Variants in SIPA1L3 observed in about 807,000 individuals in gnomAD.
SIPA1L3 encodes signal-induced proliferation-associated 1-like protein 3.
Under a neutral mutation model 150.1 loss-of-function variants are expected in SIPA1L3, and 59 were observed. That is an observed-to-expected ratio of 0.39 (90% CI 0.32 to 0.49). SIPA1L3 has a LOEUF of 0.49. SIPA1L3 is among the 20% of genes least tolerant of loss of function. The pLI, the probability that SIPA1L3 is intolerant of heterozygous loss-of-function variation, is 0.86. For synonymous variants in SIPA1L3, 1,070 were observed against 1,077.6 expected (o/e 0.99, Z 0.14); for missense variants, 2,211 against 2,489.5 (o/e 0.89, Z 2.38).
At chr19:37,976,439 G>C (rs1379378691) in intron 1 of SIPA1L3, among the ~76,000 whole-genome samples, 2 of 152,180 alleles carry the variant, frequency 1.3e-5, no homozygotes, top group African/African-American at 4.8e-5. Context: ...CAGAAAGTGT[G>C]AAACCCAGTA....
At chr19:38,134,017 C>G (rs1971374337) in intron 10 of SIPA1L3, among the ~76,000 whole-genome samples, 1 of 151,652 alleles carries the variant, frequency 6.6e-6, no homozygotes. Flanking sequence ...GAGTTTCACT[C>G]TTGTTGCCCA....
At chr19:37,955,411 A>G (rs926635712) in intron 1 of SIPA1L3, among the ~76,000 whole-genome samples, 1 of 150,810 alleles carries the variant, frequency 6.6e-6, no homozygotes, top group Non-Finnish European at 1.5e-5. Context: ...AAAAAAGAGT[A>G]TGCAATTCAG....
intron 9 of SIPA1L3, among the ~76,000 whole-genome samples, chr19:38,128,380 G>A (rs572597771): frequency 9.9e-5 from 15 of 152,178 alleles, no homozygotes; most frequent in African/African-American, 2.2e-4. Context: ...AATTCTCGCC[G>A]TCCAAATCAG....
In SIPA1L3 at chr19:38,104,825, C is replaced by T. The variant is rs190018145; in HGVS notation, c.2030-1712C>T. The stretch of plus-strand genomic sequence containing the variant: ...ACCTCAGGTGATCCACCCACCTCGG[C>T]CTCCCAAAGTGCTAGGATTACAGGT... On this transcript the variant is annotated intron_variant, in intron 6 of 21. Coordinates refer to ENST00000222345, the MANE Select transcript of SIPA1L3 (RefSeq NM_015073.3). Among the ~76,000 whole-genome samples the T allele has an allele frequency of 9.5e-3, 1,436 of 151,956 alleles. 12 individuals carry two copies. The highest frequency in any genetic ancestry group is 0.016 in the South Asian group (76 of 4,792).
At chr19:38,021,062 A>G (rs1435785714) in intron 1 of SIPA1L3, among the ~76,000 whole-genome samples, 1 of 152,084 alleles carries the variant, frequency 6.6e-6, no homozygotes, top group African/African-American at 2.4e-5. Context: ...CAGCCTCCCA[A>G]AGTGCTGGGA....
rs932846745 is a variant in SIPA1L3 at position 38,149,849 on chromosome 19, C to T, written c.3534-2991C>T. ...CCCAGATACAGTTGGGATTCTGTTA[C>T]CAAGGAGGAAGGAGAGGCTAGTCAT... On this transcript the variant is annotated intron_variant, in intron 12 of 21. Transcript: ENST00000222345. Among the ~76,000 whole-genome samples the T allele has an allele frequency of 6.6e-5, 10 of 152,272 alleles. No individual in the cohort carries two copies. In the East Asian group the frequency reaches 9.6e-4, roughly 15 times the overall value.
chr19:38,206,035 C>T (rs1393189005), intron 21 of SIPA1L3, 62 bp from the exon 22 acceptor site: 51 of 1,475,984 alleles, frequency 3.5e-5, no homozygotes, highest in Non-Finnish European at 4.5e-5. Flanking sequence ...CTCAGGGAGC[C>T]ATCGGCTGTT....
intron 16 of SIPA1L3, among the ~76,000 whole-genome samples, chr19:38,189,057 G>A (rs1403910330): frequency 3.3e-5 from 5 of 151,974 alleles, no homozygotes; most frequent in Non-Finnish European, 1.5e-5. Flanking sequence ...ATGATTGTGT[G>A]GGCTTCCCTT....
At chr19:37,991,115 C>T (rs958737972) in intron 1 of SIPA1L3, among the ~76,000 whole-genome samples, 1 of 152,076 alleles carries the variant, frequency 6.6e-6, no homozygotes, top group African/African-American at 2.4e-5. Flanking sequence ...GTCTGTAATC[C>T]CAGCTACTTG....
intron 2 of SIPA1L3, among the ~76,000 whole-genome samples, chr19:38,079,700 C>T (rs1969934119): frequency 6.6e-6 from 1 of 151,974 alleles, no homozygotes; most frequent in African/African-American, 2.4e-5. Context: ...GGACTACAGG[C>T]ACATGCCACC....
chr19:38,027,186 G>A (rs1462962507), intron 1 of SIPA1L3, among the ~76,000 whole-genome samples: 1 of 152,146 alleles, frequency 6.6e-6, no homozygotes, highest in Non-Finnish European at 1.5e-5. Context: ...AGCTACTCGG[G>A]AGGCTGAGGC....
intron 18 of SIPA1L3, among the ~76,000 whole-genome samples, chr19:38,197,308 A>AGGGGC (rs1651878560): frequency 6.6e-6 from 1 of 152,100 alleles, no homozygotes; most frequent in Non-Finnish European, 1.5e-5. Context: ...CCCTTCCCTC[A>AGGGGC]GGGGCTTCAA....
chr19:37,988,131 C>CTT (rs1359796926), intron 1 of SIPA1L3, among the ~76,000 whole-genome samples: 9 of 152,220 alleles, frequency 5.9e-5, no homozygotes, highest in Non-Finnish European at 1.3e-4. Flanking sequence ...CTGTCCTCTG[C>CTT]ACTCAGCCAG....
intron 7 of SIPA1L3, 77 bp from the exon 8 acceptor site, chr19:38,110,150 C>A: frequency 7.0e-7 from 1 of 1,420,376 alleles, no homozygotes; most frequent in Non-Finnish European, 9.8e-7. Flanking sequence ...GTGGGGGGAG[C>A]TGTGGCAGTG....
chr19:37,969,550 TAA>T (rs879300538), intron 1 of SIPA1L3, among the ~76,000 whole-genome samples: 1 of 146,782 alleles, frequency 6.8e-6, no homozygotes, highest in Non-Finnish European at 1.5e-5. Flanking sequence ...ATACTGTGTC[TAA>T]AAAAAAAAAT....
intron 1 of SIPA1L3, chr19:37,964,209 C>T (rs963706409): frequency 2.0e-5 from 3 of 152,036 alleles, no homozygotes; most frequent in South Asian, 4.2e-4. Context: ...TTGAGACTAG[C>T]CTGGGTAACA....
At chr19:38,171,612 C>T (rs191069299) in intron 15 of SIPA1L3, among the ~76,000 whole-genome samples, 31 of 151,908 alleles carry the variant, frequency 2.0e-4, no homozygotes, top group Admixed American at 9.2e-4. Flanking sequence ...AGGCTGGTCT[C>T]GAACTCCTGA....
rs1487781083 is a variant in SIPA1L3, at chr19:37,995,497, C to T, written c.-378-33592C>T. ...GGACACCCAGCCGGCCATAATGCAGCGTGGTGAGTAGATGAGCTGCAAGTG... is the reference window on the plus strand; with the variant it reads ...GGACACCCAGCCGGCCATAATGCAGTGTGGTGAGTAGATGAGCTGCAAGTG... On this transcript the variant is annotated intron_variant, in intron 1 of 21. Coordinates refer to ENST00000222345, the MANE Select transcript of SIPA1L3 (RefSeq NM_015073.3). Among the ~76,000 whole-genome samples, 5 of 152,100 alleles carry T rather than the reference C, an allele frequency of 3.3e-5. No homozygotes were observed. The South Asian group carries it at 6.2e-4, about 19-fold the overall frequency.
chr19:38,127,960 C>G (rs1250466632), intron 9 of SIPA1L3, among the ~76,000 whole-genome samples: 5 of 148,890 alleles, frequency 3.4e-5, no homozygotes, highest in Admixed American at 2.7e-4. Context: ...CCCGCAGGTT[C>G]TGTATCTGGT....
Sources: allele counts gnomAD v4.1 joint callset (sites outside exome capture counted in the v4.1 genomes callset), GRCh38; gene constraint gnomAD v4.1.1; transcripts MANE v1.5; gene names NCBI Gene and HGNC (gene_info 2026-07-23, HGNC 2026-07-21).